The following IL15 variants were observed in gnomAD, a reference collection of about 807,000 sequenced individuals.
The protein encoded by IL15 is interleukin 15, also known as interleukin-15.
In IL15, 11 loss-of-function variants were observed where a neutral mutation model predicts 19.6. The observed-to-expected ratio is 0.56, with a 90% CI of 0.35 to 0.93. The LOEUF is 0.93. Ranked by LOEUF, IL15 falls within the 40% of genes least tolerant of loss-of-function variation. The pLI is 0.01. For missense variants in IL15, 197 were observed against 186.5 expected, an observed-to-expected ratio of 1.06 and a Z score of -0.33; for synonymous variants, 58 against 59.6, an observed-to-expected ratio of 0.97 and a Z score of 0.12.
chr4:141,681,978 G>T (rs571350818), intron 2 of IL15, among the ~76,000 whole-genome samples: 3 of 152,138 alleles, frequency 2.0e-5, no homozygotes, highest in East Asian at 3.8e-4. Flanking sequence ...TATAGCTCAG[G>T]TTGAAGTAAT....
intron 2 of IL15, among the ~76,000 whole-genome samples, chr4:141,696,841 C>T (rs889417756): frequency 5.4e-5 from 8 of 149,206 alleles, no homozygotes; most frequent in African/African-American, 1.9e-4. Flanking sequence ...TGTCCTTTGC[C>T]CACTTTTTGA....
chr4:141,703,905 G>T (rs897016467), intron 2 of IL15, among the ~76,000 whole-genome samples: 2 of 152,064 alleles, frequency 1.3e-5, no homozygotes, highest in Non-Finnish European at 1.5e-5. Context: ...ATTTTTAAAT[G>T]TTGTTTTTCT....
chr4:141,708,047 C>T (rs914586438), intron 2 of IL15, among the ~76,000 whole-genome samples: 4 of 152,212 alleles, frequency 2.6e-5, no homozygotes, highest in African/African-American at 7.2e-5. Context: ...GGCCATGCAG[C>T]TCTGCAGTGG....
intron 2 of IL15, among the ~76,000 whole-genome samples, chr4:141,710,179 C>T (rs1729669458): frequency 6.6e-6 from 1 of 152,164 alleles, no homozygotes; most frequent in Non-Finnish European, 1.5e-5. Context: ...TGCAGGGCCT[C>T]AGCAATGGAG....
At chr4:141,648,106 G>A (rs1167218670) in intron 1 of IL15, among the ~76,000 whole-genome samples, 1 of 151,978 alleles carries the variant, frequency 6.6e-6, no homozygotes, top group Non-Finnish European at 1.5e-5. Flanking sequence ...TCTGAGAAAA[G>A]GAGTTTGACC....
At chr4:141,705,937 CTATCCCTCCA>C (rs1729499861) in intron 2 of IL15, among the ~76,000 whole-genome samples, 1 of 151,828 alleles carries the variant, frequency 6.6e-6, no homozygotes, top group Non-Finnish European at 1.5e-5. Flanking sequence ...ATATCTTCTT[CTATCCCTCCA>C]CTTTCAGTCT....
At chr4:141,677,089 A>G (rs1439410276) in intron 2 of IL15, among the ~76,000 whole-genome samples, 2 of 152,242 alleles carry the variant, frequency 1.3e-5, no homozygotes, top group African/African-American at 4.8e-5. Context: ...GCTACCACAT[A>G]GAAATATTTT....
At chr4:141,726,688 C>T (rs570758763) in intron 5 of IL15, among the ~76,000 whole-genome samples, 1 of 151,962 alleles carries the variant, frequency 6.6e-6, no homozygotes, top group Admixed American at 6.6e-5. Flanking sequence ...AAACTGGAAA[C>T]AGATGTGCTT....
chr4:141,694,077 G>A (rs1729012579), intron 2 of IL15, among the ~76,000 whole-genome samples: 1 of 152,198 alleles, frequency 6.6e-6, no homozygotes, highest in Non-Finnish European at 1.5e-5. Flanking sequence ...TGCACCAATG[G>A]ATGGTTTTAC....
chr4:141,674,021 T>G (rs1382813533), intron 2 of IL15, among the ~76,000 whole-genome samples: 1 of 152,240 alleles, frequency 6.6e-6, no homozygotes, highest in Non-Finnish European at 1.5e-5. Context: ...AAAGTTGATA[T>G]TAAAGTGTTA....
rs1192063090 is a variant in IL15 at position 141,732,919 on chromosome 4, C to T, written c.*71C>T. ...ACTCTGCTGCTTAGACATAACAAAA[C>T]ACTCGGCATTTCAAATGTGCTGTCA... On this transcript the variant is annotated 3_prime_UTR_variant, in exon 8 of 8. Coordinates refer to ENST00000320650, the MANE Select transcript of IL15 (RefSeq NM_000585.5). 1.3e-6 allele frequency: 2 copies of T among 1,539,140 alleles called. No homozygotes were observed. The highest frequency in any genetic ancestry group is 1.7e-6 in the Non-Finnish European group (2 of 1,148,614).
chr4:141,688,693 CTT>C (rs1728788892), intron 2 of IL15: 1 of 152,248 alleles, frequency 6.6e-6, no homozygotes, highest in Non-Finnish European at 1.5e-5. Flanking sequence ...TCTGCCATCT[CTT>C]GAGCTTCTAA....
chr4:141,700,531 G>A (rs964928440), intron 2 of IL15, among the ~76,000 whole-genome samples: 1 of 152,152 alleles, frequency 6.6e-6, no homozygotes, highest in African/African-American at 2.4e-5. Context: ...GTTGCCTGAT[G>A]CTTTTTTCTC....
chr4:141,667,536 C>A (rs968931934), intron 2 of IL15, among the ~76,000 whole-genome samples: 1 of 152,052 alleles, frequency 6.6e-6, no homozygotes, highest in Non-Finnish European at 1.5e-5. Flanking sequence ...TTCCACCCAG[C>A]ACCTATGGTT....
At chr4:141,710,258 T>TATAA (rs1325396600) in intron 2 of IL15, among the ~76,000 whole-genome samples, 3 of 152,162 alleles carry the variant, frequency 2.0e-5, no homozygotes, top group Non-Finnish European at 4.4e-5. Flanking sequence ...CATTGAGCTG[T>TATAA]ATAATCTTAG....
Position 141,733,457 on chromosome 4 carries a change from G to T in IL15, c.*609G>T, listed in dbSNP as rs1318118413. 6.6e-6 allele frequency: 1 copy of T among 152,192 alleles called. No homozygotes were observed. The highest frequency in any genetic ancestry group is 2.4e-5 in the African/African-American group (1 of 41,428). The allele number at this position is 152,192 out of a possible 1,614,324, so 9.4% of individuals were successfully genotyped here. The stretch of plus-strand genomic sequence containing the variant: ...TGAAATAAAGAAATTGCAATAACTG[G>T]CATATAATGTCCATCAGTAAATCTT... On this transcript the variant is annotated 3_prime_UTR_variant, in exon 8 of 8. Coordinates refer to ENST00000320650, the MANE Select transcript of IL15 (RefSeq NM_000585.5).
In IL15 at chr4:141,654,218, A is replaced by G. The variant is rs143539421; in HGVS notation, c.-221-1968A>G. On this transcript the variant is annotated intron_variant, in intron 1 of 7. Coordinates refer to ENST00000320650, the MANE Select transcript of IL15 (RefSeq NM_000585.5). ...AGTGGCCTCACTGGATCCAACAGGG[A>G]GCCCTCTAGAGGCAGGATGGCCCTT... Among the ~76,000 whole-genome samples, 149 of 152,286 alleles carry G rather than the reference A, an allele frequency of 9.8e-4. 1 individual carries two copies. Among genetic ancestry groups the G allele is most frequent in the African/African-American group, 3.2e-3 (134 of 41,562 alleles).
intron 1 of IL15, among the ~76,000 whole-genome samples, chr4:141,654,070 G>A (rs957223813): frequency 2.6e-5 from 4 of 152,230 alleles, no homozygotes; most frequent in Admixed American, 6.5e-5. Flanking sequence ...AGCAGACTGA[G>A]ATGGAAATAT....
intron 1 of IL15, among the ~76,000 whole-genome samples, chr4:141,654,233 G>A (rs975839658): frequency 1.3e-5 from 2 of 152,198 alleles, no homozygotes; most frequent in Non-Finnish European, 2.9e-5. Flanking sequence ...TCTAGAGGCA[G>A]GATGGCCCTT....
Sources: gnomAD v4.1 joint callset for allele counts (sites outside exome capture counted in the v4.1 genomes callset) on GRCh38, gnomAD v4.1.1 for gene constraint, MANE v1.5 for transcripts, NCBI Gene and HGNC (gene_info 2026-07-23, HGNC 2026-07-21) for gene names.